The following FXYD4 variants were observed in gnomAD, a reference collection of about 807,000 sequenced individuals.
FXYD4 encodes the protein FXYD domain containing ion transport regulator 4, also known as FXYD domain-containing ion transport regulator 4.
A neutral mutation model predicts 18.3 loss-of-function variants in FXYD4; 14 were observed. The observed-to-expected ratio is 0.77, with a 90% CI of 0.51 to 1.20. The LOEUF is 1.20. Ranked by LOEUF, FXYD4 falls within the 50% of genes most tolerant of loss-of-function variation. FXYD4 has a pLI of 0.00. For missense variants in FXYD4, 99 were observed against 106.1 expected, an observed-to-expected ratio of 0.93 and a Z score of 0.29; for synonymous variants, 40 against 40.5, an observed-to-expected ratio of 0.99 and a Z score of 0.04.
chr10:43,375,779 C>CG, intron 7 of FXYD4, 45 bp downstream of exon 7: 2 of 1,588,446 alleles, frequency 1.3e-6, no homozygotes, highest in Non-Finnish European at 1.7e-6. Context: ...GGCAGAACTA[C>CG]GGGGGGACAG....
At chr10:43,374,734 A>G (rs1243808849) in intron 5 of FXYD4, 95 bp downstream of exon 5, 2 of 976,698 alleles carry the variant, frequency 2.0e-6, no homozygotes, top group Non-Finnish European at 1.7e-6. Flanking sequence ...CCTAGTGTAG[A>G]CAAAGTGGGA....
Position 43,375,568 on chromosome 10 carries a change from T to C in FXYD4, c.167T>C (p.Val56Ala), listed in dbSNP as rs1464701232. The C allele has an allele frequency of 6.8e-6, 11 of 1,613,644 alleles. No individual in the cohort carries two copies. The East Asian group carries it at 2.5e-4, about 36-fold the overall frequency. The part of the protein sequence containing the change: ...GLLAIAGIAA[V>A]LSGKCKCKSS... Reference sequence around the variant, plus strand: ...CTGGCCATTGCTGGGATCGCGGCAGTTCTGAGTGAGTGGCAGGACAGGTGG... The same window carrying C: ...CTGGCCATTGCTGGGATCGCGGCAGCTCTGAGTGAGTGGCAGGACAGGTGG... The change falls in exon 6 of 9, where the codon GTT becomes GCT. Residue 56 changes from valine (V) to alanine (A), a missense_variant. Transcript: ENST00000476166.
chr10:43,374,083 GTGGGAGGATCACTTGAGCC>G (rs376605832), intron 3 of FXYD4, among the ~76,000 whole-genome samples: 61 of 152,330 alleles, frequency 4.0e-4, no homozygotes, highest in South Asian at 1.2e-3. Flanking sequence ...GGAGGCCAAG[GTGGGAGGATCACTTGAGCC>G]TGGGAGGATC....
chr10:43,372,064 A>G (rs1211301596), intron 1 of FXYD4, among the ~76,000 whole-genome samples: 1 of 150,800 alleles, frequency 6.6e-6, no homozygotes. Context: ...AAAAATAGTA[A>G]TAATAATAAT....
intron 6 of FXYD4, 26 bp from the exon 7 acceptor site, chr10:43,375,669 G>T: frequency 1.2e-6 from 2 of 1,613,842 alleles, no homozygotes; most frequent in Non-Finnish European, 1.7e-6. Context: ...CACTGACCCT[G>T]GCGCTGACCC....
intron 3 of FXYD4, 21 bp downstream of exon 3, chr10:43,373,804 G>A: frequency 6.4e-7 from 1 of 1,566,238 alleles, no homozygotes; most frequent in Non-Finnish European, 8.8e-7. Flanking sequence ...CCAGTCTCCT[G>A]GGACCCTCTT....
In FXYD4 at chr10:43,374,624, G is replaced by T. The variant is rs150156235; in HGVS notation, c.82G>T (p.Asp28Tyr). 194 of 1,613,242 alleles carry T rather than the reference G, an allele frequency of 1.2e-4. 1 individual carries two copies. Among genetic ancestry groups the T allele is most frequent in the Non-Finnish European group, 1.6e-4 (185 of 1,179,384 alleles). ...EANDPFANKD[D>Y]PFYYDWKNLQ... ...CCCACTTTTTCTAGCCAATAAAGAC[G>T]ATCCCTTCTACTATGGTAAGAGCTG... The change falls in exon 5 of 9, where the codon GAT (aspartate) becomes TAT (tyrosine). Residue 28 changes from aspartate to tyrosine, a missense_variant. By Grantham distance (160) the Asp-to-Tyr change is radical (BLOSUM62 -3). Coordinates refer to ENST00000476166, the MANE Select transcript of FXYD4 (RefSeq NM_173160.3).
At chr10:43,375,439 T>C in intron 5 of FXYD4, 60 bp from the exon 6 acceptor site, 1 of 1,344,998 alleles carries the variant, frequency 7.4e-7, no homozygotes, top group African/African-American at 1.4e-5. Flanking sequence ...CAGGAGTGTC[T>C]TTTGAATGAA....
At chr10:43,375,423 G>A (rs1837857745) in intron 5 of FXYD4, 76 bp from the exon 6 acceptor site, 1 of 1,119,794 alleles carries the variant, frequency 8.9e-7, no homozygotes, top group Admixed American at 1.7e-5. Context: ...GGCACAAGCA[G>A]GGGCTCAGGA....
In FXYD4 at chr10:43,373,565, T is replaced by C. The variant is rs1374402646; in HGVS notation, c.-182T>C. 4.9e-6 allele frequency: 3 copies of C among 611,992 alleles called. No homozygotes were observed. The highest frequency in any genetic ancestry group is 8.8e-6 in the Non-Finnish European group (3 of 340,106). 37.9% of individuals were successfully genotyped at this position (611,992 alleles called of 1,614,324 possible). A position where few individuals can be genotyped will look rare whatever the true frequency, so the allele number is the denominator to read the frequency against. ...ACAGAAAGTAGTTACTTTCCCAAGA[T>C]CTCCCCACAAGCAAGTGTATCCTTG... On this transcript the variant is annotated 5_prime_UTR_variant, in exon 3 of 9. Transcript: ENST00000476166.
At chr10:43,373,256 G>A (rs911931794) in intron 2 of FXYD4, among the ~76,000 whole-genome samples, 3 of 152,138 alleles carry the variant, frequency 2.0e-5, no homozygotes, top group African/African-American at 7.2e-5. Flanking sequence ...TGCCCTTTGT[G>A]TGGGGTTAGG....
At position 43,375,680 on chromosome 10, in the gene FXYD4, CT is replaced by C; in HGVS notation, c.173-14del. ...CCAGCACTGACCCTGGCGCTGACCC[CT>C]CTCTCTCTCCCAGGTGGCAAATGCA... On this transcript the variant is annotated splice_polypyrimidine_tract_variant and intron_variant, in intron 6 of 8. Coordinates refer to ENST00000476166, the MANE Select transcript of FXYD4 (RefSeq NM_173160.3). The C allele has an allele frequency of 6.2e-7, 1 of 1,608,366 alleles. No individual in the cohort carries two copies. Among genetic ancestry groups the C allele is most frequent in the Non-Finnish European group, 8.5e-7 (1 of 1,174,880 alleles).
chr10:43,375,184 G>C (rs1435850141), intron 5 of FXYD4, among the ~76,000 whole-genome samples: 1 of 151,646 alleles, frequency 6.6e-6, no homozygotes, highest in Non-Finnish European at 1.5e-5. Flanking sequence ...CTGCCGCCAC[G>C]CCTAGCTAAT....
At chr10:43,371,742 TGC>T (rs1837810416) in intron 1 of FXYD4, 45 bp downstream of exon 1, 1 of 152,150 alleles carries the variant, frequency 6.6e-6, no homozygotes, top group African/African-American at 2.4e-5. Context: ...AGGGGGTGGG[TGC>T]CCAAGAATTC....
rs766013777 is a variant in FXYD4, at chr10:43,373,717, C to T, written c.-30C>T. ...GCAGACCCCCGCCCCAGTGCCTCTC[C>T]CCCTGCAGCCCTGCCCCTCGAACTG... On this transcript the variant is annotated 5_prime_UTR_variant, in exon 3 of 9. Coordinates refer to ENST00000476166, the MANE Select transcript of FXYD4 (RefSeq NM_173160.3). The T allele has an allele frequency of 1.7e-5, 26 of 1,513,520 alleles. No homozygotes were observed. The highest frequency in any genetic ancestry group is 1.5e-5 in the Non-Finnish European group (16 of 1,088,418). 93.8% of individuals were successfully genotyped at this position (1,513,520 alleles called of 1,614,324 possible). A position where few individuals can be genotyped will look rare whatever the true frequency, so the allele number is the denominator to read the frequency against.
At chr10:43,372,111 C>T (rs866509245) in intron 1 of FXYD4, among the ~76,000 whole-genome samples, 5 of 151,660 alleles carry the variant, frequency 3.3e-5, no homozygotes, top group Admixed American at 2.6e-4. Context: ...TTGAGACCCT[C>T]GTATTCCAGG....
Position 43,373,801 on chromosome 10 carries a change from C to T in FXYD4, c.37+18C>T. 6.4e-7 allele frequency: 1 copy of T among 1,559,012 alleles called. No homozygotes were observed. The highest frequency in any genetic ancestry group is 1.1e-5 in the South Asian group (1 of 89,984). On this transcript the variant is annotated intron_variant, in intron 3 of 8. Coordinates refer to ENST00000476166, the MANE Select transcript of FXYD4 (RefSeq NM_173160.3). ...ACTGGCAGGTGAGTCCTCCCAGTCT[C>T]CTGGGACCCTCTTGCATTCACCCCA...
chr10:43,375,350 T>A, intron 5 of FXYD4, 149 bp from the exon 6 acceptor site: 1 of 637,882 alleles, frequency 1.6e-6, no homozygotes, highest in Non-Finnish European at 2.8e-6. Flanking sequence ...TCTTAGTGTT[T>A]CCCCACGAGA....
At chr10:43,375,478 C>T in intron 5 of FXYD4, 21 bp from the exon 6 acceptor site, 1 of 1,603,274 alleles carries the variant, frequency 6.2e-7, no homozygotes, top group Non-Finnish European at 8.5e-7. Context: ...GGTGCAAGCT[C>T]ACTCTCTGTA....
Sources: gnomAD v4.1 joint callset for allele counts (sites outside exome capture counted in the v4.1 genomes callset) on GRCh38, gnomAD v4.1.1 for gene constraint, MANE v1.5 for transcripts, NCBI Gene and HGNC (gene_info 2026-07-23, HGNC 2026-07-21) for gene names.